ADGRB3: variants seen among roughly 807,000 people sequenced by gnomAD.
The protein encoded by ADGRB3 is brain-specific angiogenesis inhibitor 3.
Under a neutral mutation model 193.4 loss-of-function variants are expected in ADGRB3, and 37 were observed. The observed-to-expected ratio is 0.19, with a 90% CI of 0.15 to 0.25. The LOEUF (loss-of-function observed/expected upper bound fraction) is 0.25. Among genes scored for constraint, ADGRB3 ranks in the 10% least tolerant of loss-of-function variants. The pLI is 1.00. For missense variants in ADGRB3, 1,637 were observed against 1,852.9 expected, an observed-to-expected ratio of 0.88 and a Z score of 2.14; for synonymous variants, 690 against 644.2, an observed-to-expected ratio of 1.07 and a Z score of -1.08.
rs796784821 is a variant in ADGRB3, at chr6:69,305,839, A to C, written c.2815-19033A>C. Among the ~76,000 whole-genome samples, 9 of 151,582 alleles carry C rather than the reference A, an allele frequency of 5.9e-5. 1 individual carries two copies. Among genetic ancestry groups the C allele is most frequent in the African/African-American group, 2.2e-4 (9 of 41,168 alleles). On this transcript the variant is annotated intron_variant, in intron 20 of 31. Transcript: ENST00000370598. ...AATCTTCCATATACATATGTTATGC[A>C]TTCATGGATTAACAAACTGAAGATT... is the stretch of plus-strand genomic sequence containing the variant.
chr6:69,128,891 C>G (rs766100280), intron 17 of ADGRB3, among the ~76,000 whole-genome samples: 1 of 152,180 alleles, frequency 6.6e-6, no homozygotes, highest in Non-Finnish European at 1.5e-5. Context: ...AATGTCTTCT[C>G]ACTTCAAGTT....
At chr6:69,240,037 A>T (rs2127260932) in intron 20 of ADGRB3, among the ~76,000 whole-genome samples, 1 of 152,176 alleles carries the variant, frequency 6.6e-6, no homozygotes. Context: ...GCGAATAATT[A>T]AAAATTTTCC....
intron 3 of ADGRB3, among the ~76,000 whole-genome samples, chr6:68,876,901 A>T (rs1048319085): frequency 2.0e-5 from 3 of 152,088 alleles, no homozygotes; most frequent in African/African-American, 7.2e-5. Context: ...TTTTTTCAAA[A>T]TTATAAATAT....
At chr6:69,156,286 C>T (rs577683513) in intron 17 of ADGRB3, among the ~76,000 whole-genome samples, 2 of 152,202 alleles carry the variant, frequency 1.3e-5, no homozygotes, top group Admixed American at 1.3e-4. Context: ...TAAAGAATGA[C>T]TGTGTGAGCA....
chr6:69,296,983 G>GT (rs1390194874), intron 20 of ADGRB3, among the ~76,000 whole-genome samples: 1 of 152,072 alleles, frequency 6.6e-6, no homozygotes, highest in African/African-American at 2.4e-5. Context: ...GTTTGGTTAT[G>GT]TTATAGGCTT....
At chr6:68,913,536 C>T (rs978346157) in intron 3 of ADGRB3, among the ~76,000 whole-genome samples, 4 of 152,156 alleles carry the variant, frequency 2.6e-5, no homozygotes, top group Non-Finnish European at 5.9e-5. Context: ...ACCAAAAACC[C>T]ATCTGTACAT....
chr6:69,211,253 G>T (rs909322587), intron 17 of ADGRB3, among the ~76,000 whole-genome samples: 1 of 152,156 alleles, frequency 6.6e-6, no homozygotes, highest in East Asian at 1.9e-4. Context: ...ACCTATAGCT[G>T]GGTCAGTCAT....
intron 17 of ADGRB3, among the ~76,000 whole-genome samples, chr6:69,076,490 A>G (rs1413860344): frequency 1.3e-5 from 2 of 152,088 alleles, no homozygotes; most frequent in South Asian, 4.1e-4. Flanking sequence ...TTGTTTTGTG[A>G]TAAAAACATT....
intron 3 of ADGRB3, among the ~76,000 whole-genome samples, chr6:68,682,817 G>T (rs1319606337): frequency 6.8e-6 from 1 of 147,676 alleles, no homozygotes; most frequent in Non-Finnish European, 1.5e-5. Context: ...CCCTCTTGAC[G>T]CCCAGGCTGG....
chr6:69,062,844 A>G (rs1419880776), intron 15 of ADGRB3, 90 bp from the exon 16 acceptor site: 6 of 904,236 alleles, frequency 6.6e-6, no homozygotes, highest in Non-Finnish European at 1.0e-5. Flanking sequence ...GGATGCATTT[A>G]TTTGAAACCA....
intron 17 of ADGRB3, among the ~76,000 whole-genome samples, chr6:69,211,375 G>A (rs1765663825): frequency 2.0e-5 from 3 of 152,092 alleles, no homozygotes; most frequent in Admixed American, 2.0e-4. Flanking sequence ...TCTTCAGATT[G>A]TAGATGAAAG....
At chr6:69,031,061 CTT>C (rs869126934) in intron 13 of ADGRB3, among the ~76,000 whole-genome samples, 670 of 46,878 alleles carry the variant, frequency 0.014, 110 homozygotes, top group Middle Eastern at 0.019. Context: ...CTTCTCTTCT[CTT>C]CTCTTCTCTT....
intron 17 of ADGRB3, among the ~76,000 whole-genome samples, chr6:69,119,473 G>GA (rs1445716299): frequency 6.6e-6 from 1 of 152,150 alleles, no homozygotes; most frequent in Non-Finnish European, 1.5e-5. Context: ...TATGTGCTTT[G>GA]AAAAAATAAA....
chr6:69,214,235 A>G (rs1272587116), intron 17 of ADGRB3, among the ~76,000 whole-genome samples: 1 of 152,094 alleles, frequency 6.6e-6, no homozygotes, highest in African/African-American at 2.4e-5. Flanking sequence ...CCTTTTTGTT[A>G]CAATTGTCAG....
intron 20 of ADGRB3, among the ~76,000 whole-genome samples, chr6:69,240,197 A>G (rs1308739357): frequency 6.6e-6 from 1 of 152,036 alleles, no homozygotes. Flanking sequence ...TTTCCACCAA[A>G]AGAGCCCAAT....
chr6:68,785,187 G>C (rs1766938467), intron 3 of ADGRB3, among the ~76,000 whole-genome samples: 1 of 151,730 alleles, frequency 6.6e-6, no homozygotes, highest in South Asian at 2.1e-4. Flanking sequence ...TTAAGTTTTA[G>C]GGTACATGTG....
At position 69,049,288 on chromosome 6, in the gene ADGRB3, G is replaced by A; in HGVS notation, c.2275G>A (p.Val759Ile). Residue 759 changes from valine (V) to isoleucine (I), a missense_variant, in exon 15 of 32, where the codon GTA becomes ATA. By Grantham distance (29) the Val-to-Ile change is conservative. Coordinates refer to ENST00000370598, the MANE Select transcript of ADGRB3 (RefSeq NM_001704.3). ...CTTTCTAGAATTAGATGAATCATCT[G>A]TATTTGTTCTTGGCGCAGTCCTATA... ...VSSKELDESS[V>I]FVLGAVLYKN... The A allele has an allele frequency of 6.2e-7, 1 of 1,606,320 alleles. No homozygotes were observed. Among genetic ancestry groups the A allele is most frequent in the Non-Finnish European group, 8.5e-7 (1 of 1,175,486 alleles).
At chr6:68,775,220 G>C (rs1412527708) in intron 3 of ADGRB3, among the ~76,000 whole-genome samples, 1 of 149,616 alleles carries the variant, frequency 6.7e-6, no homozygotes, top group Non-Finnish European at 1.5e-5. Flanking sequence ...GCATTTCCCA[G>C]TGGCTCCTGG....
intron 8 of ADGRB3, among the ~76,000 whole-genome samples, chr6:68,967,290 A>G (rs895327091): frequency 6.6e-6 from 1 of 152,230 alleles, no homozygotes; most frequent in Non-Finnish European, 1.5e-5. Flanking sequence ...GTTTGTAGGC[A>G]GACCAAACTG....
Sources: gnomAD v4.1 joint callset for allele counts (sites outside exome capture counted in the v4.1 genomes callset) on GRCh38, gnomAD v4.1.1 for gene constraint, MANE v1.5 for transcripts, NCBI Gene and HGNC (gene_info 2026-07-23, HGNC 2026-07-21) for gene names.